The following CEACAM16 variants were observed in gnomAD, a reference collection of about 807,000 sequenced individuals.
The protein encoded by CEACAM16 is CEA cell adhesion molecule 16, tectorial membrane component.
Under a neutral mutation model 39.4 loss-of-function variants are expected in CEACAM16, and 30 were observed. The observed-to-expected ratio is 0.76, with a 90% CI of 0.57 to 1.03. The LOEUF (loss-of-function observed/expected upper bound fraction) is 1.03, where lower values mean the gene tolerates loss of function less well. Ranked by LOEUF, CEACAM16 falls within the 50% of genes least tolerant of loss-of-function variation. CEACAM16 has a pLI of 0.00. For synonymous variants in CEACAM16, 262 were observed against 264.9 expected, an observed-to-expected ratio of 0.99 and a Z score of 0.11; for missense variants, 521 against 585.3, an observed-to-expected ratio of 0.89 and a Z score of 1.13.
At chr19:44,702,662 G>A (rs188692693) in intron 2 of CEACAM16, among the ~76,000 whole-genome samples, 66 of 152,396 alleles carry the variant, frequency 4.3e-4, no homozygotes, top group African/African-American at 1.6e-3. Flanking sequence ...CCTGCTTTCC[G>A]CTGTAGGCGA....
chr19:44,700,094 C>T (rs1974321221), intron 1 of CEACAM16, among the ~76,000 whole-genome samples: 1 of 152,218 alleles, frequency 6.6e-6, no homozygotes, highest in Non-Finnish European at 1.5e-5. Flanking sequence ...CAACCTCCAC[C>T]TCCTGGGTTC....
rs772513418 is a variant in CEACAM16, at chr19:44,703,299, G to A, written c.38-50G>A. ...TGAGTCTCTTCTTCTGTCAAATGGG[G>A]CGATTGATCAAACCTGCCTCATCCA... On this transcript the variant is annotated intron_variant, in intron 2 of 6. Coordinates refer to ENST00000587331, the MANE Select transcript of CEACAM16 (RefSeq NM_001039213.4). The A allele has an allele frequency of 6.6e-6, 10 of 1,513,852 alleles. No homozygotes were observed. In the African/African-American group the frequency reaches 1.2e-4, roughly 19 times the overall value. 93.8% of individuals were successfully genotyped at this position (1,513,852 alleles called of 1,614,324 possible). A position where few individuals can be genotyped will look rare whatever the true frequency, so the allele number is the denominator to read the frequency against.
chr19:44,700,289 G>C (rs890597118), intron 1 of CEACAM16, among the ~76,000 whole-genome samples: 5 of 152,040 alleles, frequency 3.3e-5, no homozygotes, highest in African/African-American at 1.2e-4. Context: ...ACAGGCGTTA[G>C]CCACCACACC....
intron 2 of CEACAM16, among the ~76,000 whole-genome samples, chr19:44,702,811 C>T (rs1022183578): frequency 1.3e-5 from 2 of 152,236 alleles, no homozygotes; most frequent in African/African-American, 4.8e-5. Context: ...GTGACTGTCA[C>T]GATGGGAAAA....
chr19:44,710,537 G>A lies in CEACAM16; in HGVS notation c.*31G>A, dbSNP rs1396602514. On this transcript the variant is annotated 3_prime_UTR_variant, in exon 7 of 7. Coordinates refer to ENST00000587331, the MANE Select transcript of CEACAM16 (RefSeq NM_001039213.4). ...TGACCCTGGAGACGTCCAGAGAGAAGAGCTCTTCGCACCATCCTCTGGTCC... is the reference window on the plus strand; with the variant it reads ...TGACCCTGGAGACGTCCAGAGAGAAAAGCTCTTCGCACCATCCTCTGGTCC... 3.1e-6 allele frequency: 5 copies of A among 1,613,602 alleles called. No homozygotes were observed. Among genetic ancestry groups the A allele is most frequent in the East Asian group, 4.5e-5 (2 of 44,892 alleles).
intron 4 of CEACAM16, among the ~76,000 whole-genome samples, chr19:44,705,103 G>A (rs1974421004): frequency 1.3e-5 from 2 of 152,152 alleles, no homozygotes; most frequent in African/African-American, 4.8e-5. Context: ...GACTTCAGAA[G>A]CACTGAATTC....
intron 2 of CEACAM16, among the ~76,000 whole-genome samples, chr19:44,702,144 T>A (rs561335519): frequency 6.6e-6 from 1 of 152,048 alleles, no homozygotes; most frequent in Admixed American, 6.5e-5. Flanking sequence ...ATACAAAAAA[T>A]TAGCTAGGTG....
intron 5 of CEACAM16, among the ~76,000 whole-genome samples, chr19:44,707,513 C>T (rs1974467731): frequency 1.3e-5 from 2 of 151,784 alleles, no homozygotes; most frequent in Non-Finnish European, 2.9e-5. Context: ...TCCCCATTTT[C>T]TGGGATTTCC....
Position 44,710,706 on chromosome 19 carries a change from C to T in CEACAM16, c.*200C>T. ...GGGGAGCCACCGAGGCCATAAACGT[C>T]CTGGTTAATGCACACGTGTGTCAGC... On this transcript the variant is annotated 3_prime_UTR_variant, in exon 7 of 7. Transcript: ENST00000587331. 1.6e-6 allele frequency: 1 copy of T among 620,844 alleles called. No individual in the cohort carries two copies. The highest frequency in any genetic ancestry group is 2.8e-6 in the Non-Finnish European group (1 of 355,330). The allele number at this position is 620,844 out of a possible 1,614,324, so 38.5% of individuals were successfully genotyped here.
chr19:44,709,735 C>T (rs1425175297), intron 6 of CEACAM16, among the ~76,000 whole-genome samples: 1 of 148,396 alleles, frequency 6.7e-6, no homozygotes, highest in African/African-American at 2.5e-5. Context: ...ACCATGTCTC[C>T]TCCATCAGAC....
chr19:44,706,266 G>GTA (rs1974446394), intron 5 of CEACAM16, among the ~76,000 whole-genome samples: 4 of 81,072 alleles, frequency 4.9e-5, no homozygotes, highest in African/African-American at 1.5e-4. Context: ...CAGATGATGG[G>GTA]TATACACACA....
chr19:44,705,944 T>C, intron 5 of CEACAM16, 76 bp downstream of exon 5: 1 of 1,492,198 alleles, frequency 6.7e-7, no homozygotes, highest in Non-Finnish European at 9.1e-7. Context: ...AGCCACCATT[T>C]GCCCAACAGA....
Position 44,704,063 on chromosome 19 carries a change from T to C in CEACAM16, c.428T>C (p.Val143Ala), listed in dbSNP as rs1364847534. ...GTCTTGGCCAACAGCACAGCGCTGG[T>C]GGAACGTCGAGACACCCTGCGCCTT... ...PTVLANSTALVERRDTLRLMC... is the reference protein window; with the variant it reads ...PTVLANSTALAERRDTLRLMC... The change falls in exon 4 of 7, where the codon GTG becomes GCG. Residue 143 changes from valine to alanine, a missense_variant. Coordinates refer to ENST00000587331, the MANE Select transcript of CEACAM16 (RefSeq NM_001039213.4). 5 of 1,610,414 alleles carry C rather than the reference T, an allele frequency of 3.1e-6. No individual in the cohort carries two copies. Among genetic ancestry groups the C allele is most frequent in the Non-Finnish European group, 4.2e-6 (5 of 1,179,100 alleles).
Position 44,707,334 on chromosome 19 carries a change from T to C in CEACAM16, c.941-527T>C, listed in dbSNP as rs572133783. Among the ~76,000 whole-genome samples, 12 of 152,250 alleles carry C rather than the reference T, an allele frequency of 7.9e-5. No homozygotes were observed. In the South Asian group the frequency reaches 2.5e-3, roughly 32 times the overall value. On this transcript the variant is annotated intron_variant, in intron 5 of 6. Transcript: ENST00000587331. ...AGCAACAATTTAGAATTTCTCAATCTGATGGAGGAAACAGGGCTGCCGCCT... is the reference window on the plus strand; with the variant it reads ...AGCAACAATTTAGAATTTCTCAATCCGATGGAGGAAACAGGGCTGCCGCCT...
chr19:44,705,175 C>G (rs1974422075), intron 4 of CEACAM16, among the ~76,000 whole-genome samples: 1 of 152,096 alleles, frequency 6.6e-6, no homozygotes. Flanking sequence ...GAATCTAACC[C>G]TGAAATCTTA....
rs370890913 is a variant in CEACAM16, at chr19:44,704,200, C to A, written c.565C>A (p.His189Asn). Residue 189 changes from histidine to asparagine, a missense_variant, in exon 4 of 7, where the codon CAT (histidine) becomes AAT (asparagine). His to Asn is a moderately conservative substitution (Grantham distance 68). Transcript: ENST00000587331. ...LSPDGRVLAR[H>N]GIRREEAGAY... ...CCCTGACGGCCGGGTGCTGGCCAGG[C>A]ATGGCATCCGCCGGGAGGAGGCCGG... The A allele has an allele frequency of 6.4e-7, 1 of 1,561,526 alleles. No homozygotes were observed. The highest frequency in any genetic ancestry group is 1.4e-5 in the African/African-American group (1 of 73,710).
In CEACAM16 at chr19:44,705,607, G is replaced by A. The variant is rs1275698902; in HGVS notation, c.679G>A (p.Ala227Thr). ...LTVYFGPERVAILQDSTTRTG... is the reference protein window; with the variant it reads ...LTVYFGPERVTILQDSTTRTG... Reference sequence around the variant, plus strand: ...CCCCACAGTTGGCCCAGAGCGTGTGGCCATCCTCCAGGATTCCACCACCCG... The same window carrying A: ...CCCCACAGTTGGCCCAGAGCGTGTGACCATCCTCCAGGATTCCACCACCCG... Residue 227 changes from alanine to threonine, a missense_variant, in exon 5 of 7, where the codon GCC becomes ACC. Physicochemically the swap from Ala to Thr is moderately conservative, Grantham distance 58 (BLOSUM62 0). Transcript: ENST00000587331. 1.9e-6 allele frequency: 3 copies of A among 1,603,970 alleles called. No homozygotes were observed. Among genetic ancestry groups the A allele is most frequent in the African/African-American group, 2.7e-5 (2 of 74,728 alleles).
At position 44,704,254 on chromosome 19, in the gene CEACAM16, G is replaced by T; in HGVS notation, c.619G>T (p.Val207Phe). Residue 207 changes from valine (V) to phenylalanine (F), a missense_variant, in exon 4 of 7, where the codon GTC (valine) becomes TTC (phenylalanine). Physicochemically the swap from Val to Phe is conservative, Grantham distance 50 (BLOSUM62 -1). Transcript: ENST00000587331. ...GAYQCEVWNP[V>F]SVSRSEPINL... ...CTATCAGTGTGAGGTGTGGAACCCG[G>T]TCAGTGTCAGCCGCAGCGAGCCCAT... is the stretch of plus-strand genomic sequence containing the variant. 6.5e-7 allele frequency: 1 copy of T among 1,539,240 alleles called. No homozygotes were observed.
intron 1 of CEACAM16, among the ~76,000 whole-genome samples, chr19:44,700,735 C>T (rs1974331974): frequency 6.6e-6 from 1 of 152,316 alleles, no homozygotes; most frequent in South Asian, 2.1e-4. Flanking sequence ...AACAAGGCCT[C>T]CGAAGTGGGA....
Sources: allele counts gnomAD v4.1 joint callset (sites outside exome capture counted in the v4.1 genomes callset), GRCh38; gene constraint gnomAD v4.1.1; transcripts MANE v1.5; gene names NCBI Gene and HGNC (gene_info 2026-07-23, HGNC 2026-07-21).